The following SLC12A7 variants were observed in gnomAD, a reference collection of about 807,000 sequenced individuals.
SLC12A7 encodes the protein K-Cl cotransporter 4.
In SLC12A7, 100 loss-of-function variants were observed where a neutral mutation model predicts 120.6. The observed-to-expected ratio is 0.83, with a 90% CI of 0.71 to 0.98. The LOEUF (loss-of-function observed/expected upper bound fraction) is 0.98. SLC12A7 is among the 50% of genes least tolerant of loss of function. SLC12A7 has a pLI of 0.00. For missense variants in SLC12A7, 1,373 were observed against 1,548.1 expected, an observed-to-expected ratio of 0.89 and a Z score of 1.90; for synonymous variants, 760 against 678.0, an observed-to-expected ratio of 1.12 and a Z score of -1.88.
chr5:1,073,431 A>G (rs1390812304), intron 17 of SLC12A7, among the ~76,000 whole-genome samples: 3 of 152,082 alleles, frequency 2.0e-5, no homozygotes, highest in Non-Finnish European at 4.4e-5. Context: ...TGGCCCTCAC[A>G]CCTCCCAAGC....
chr5:1,114,840 C>G (rs1348134308), upstream of SLC12A7, among the ~76,000 whole-genome samples: 1 of 152,184 alleles, frequency 6.6e-6, no homozygotes, highest in Admixed American at 6.5e-5. Context: ...TCTGAATCGA[C>G]AGATTCATGG....
the SLC12A7 span, among the ~76,000 whole-genome samples, chr5:1,123,596 G>C: frequency 6.6e-6 from 1 of 152,240 alleles, no homozygotes; most frequent in Non-Finnish European, 1.5e-5. Context: ...CAATGAGGCC[G>C]GCCAGAGACC....
At chr5:1,134,482 T>A in the SLC12A7 span, among the ~76,000 whole-genome samples, 8 of 149,980 alleles carry the variant, frequency 5.3e-5, no homozygotes, top group African/African-American at 1.5e-4. Flanking sequence ...AAAAAAAAAA[T>A]TTGAACACCC....
chr5:1,137,033 TCACA>T, the SLC12A7 span, among the ~76,000 whole-genome samples: 94 of 149,192 alleles, frequency 6.3e-4, no homozygotes, highest in African/African-American at 2.3e-3. Context: ...ACACACGTGC[TCACA>T]CACTCCAACA....
chr5:1,099,892 C>A (rs754280948), intron 1 of SLC12A7, among the ~76,000 whole-genome samples: 7 of 152,162 alleles, frequency 4.6e-5, no homozygotes. Flanking sequence ...GGCAGGAGTG[C>A]GCAGGGGAAT....
the SLC12A7 span, among the ~76,000 whole-genome samples, chr5:1,137,894 G>A: frequency 1.3e-5 from 2 of 152,340 alleles, no homozygotes; most frequent in Admixed American, 6.5e-5. Flanking sequence ...CGGCGCCAGC[G>A]CTGTGGAAGA....
chr5:1,097,836 A>C (rs1741422230), intron 1 of SLC12A7, among the ~76,000 whole-genome samples: 1 of 152,104 alleles, frequency 6.6e-6, no homozygotes, highest in Non-Finnish European at 1.5e-5. Context: ...TTTAAAGAGA[A>C]CGCATCTCCC....
chr5:1,101,788 C>T (rs2057858125), intron 1 of SLC12A7, among the ~76,000 whole-genome samples: 1 of 150,200 alleles, frequency 6.7e-6, no homozygotes, highest in South Asian at 2.2e-4. Context: ...GACCCCCCTC[C>T]ACCCCCCGAC....
At chr5:1,134,273 C>T in the SLC12A7 span, among the ~76,000 whole-genome samples, 1 of 152,076 alleles carries the variant, frequency 6.6e-6, no homozygotes, top group Non-Finnish European at 1.5e-5. Context: ...AGTTCGAGAC[C>T]AGCCTGGCCA....
chr5:1,151,680 G>A, the SLC12A7 span, among the ~76,000 whole-genome samples: 1 of 150,582 alleles, frequency 6.6e-6, no homozygotes, highest in African/African-American at 2.4e-5. The surrounding 1 kb of genome is among the most constrained non-coding windows in gnomAD (Gnocchi z 6.2). Context: ...CCATCCTCTA[G>A]AGCAGGCTCA....
intron 10 of SLC12A7, among the ~76,000 whole-genome samples, 173 bp downstream of exon 10, chr5:1,079,225 G>C (rs926097593): frequency 1.3e-5 from 2 of 152,214 alleles, no homozygotes; most frequent in Non-Finnish European, 2.9e-5. Flanking sequence ...AGAAGCCAGG[G>C]TCCTGACAGC....
At chr5:1,077,065 C>CCCCG (rs1554016167) in intron 12 of SLC12A7, among the ~76,000 whole-genome samples, 1 of 151,656 alleles carries the variant, frequency 6.6e-6, no homozygotes, top group Non-Finnish European at 1.5e-5. Context: ...CCTGCCCCCC[C>CCCCG]GCCTCAGTTT....
At chr5:1,075,329 C>T (rs1309589098) in intron 15 of SLC12A7, 42 bp downstream of exon 15, 3 of 1,590,260 alleles carry the variant, frequency 1.9e-6, no homozygotes, top group Admixed American at 3.4e-5. Context: ...GGGGCCCGCC[C>T]TCCCGTGCGC....
chr5:1,079,372 C>A (rs201356783), intron 10 of SLC12A7, 26 bp downstream of exon 10: 1 of 1,585,804 alleles, frequency 6.3e-7, no homozygotes, highest in Admixed American at 1.7e-5. Context: ...AGGCTGGAAC[C>A]CTCGCCTGCA....
chr5:1,096,540 C>G (rs1017997872), intron 1 of SLC12A7, among the ~76,000 whole-genome samples: 1 of 151,704 alleles, frequency 6.6e-6, no homozygotes, highest in Non-Finnish European at 1.5e-5. Context: ...GATTCCTGCT[C>G]AGGCCCTTTT....
At chr5:1,075,603 G>A (rs1738244452) in intron 14 of SLC12A7, 113 bp from the exon 15 acceptor site, 12 of 1,424,896 alleles carry the variant, frequency 8.4e-6, no homozygotes, top group Non-Finnish European at 6.6e-6. Flanking sequence ...TTAACACTAG[G>A]AAAACAGTCA....
At position 1,052,396 on chromosome 5, in the gene SLC12A7, C is replaced by T. The variant is rs886804665; in HGVS notation, c.3216G>A (p.Arg1072=). The T allele has an allele frequency of 2.5e-6, 4 of 1,612,820 alleles. No homozygotes were observed. The African/African-American group carries it at 4.0e-5, about 16-fold the overall frequency. Residue 1072 remains arginine, a synonymous_variant, in exon 24 of 24, where the codon AGG becomes AGA. Coordinates refer to ENST00000264930, the MANE Select transcript of SLC12A7 (RefSeq NM_006598.3). ...TEGLNRVLLV[R]GGGREVITIY... is the part of the protein sequence containing the mutation. Reference sequence around the variant, plus strand: ...TGGTGATCACCTCCCGGCCGCCACCCCTGACCAGGAGGACTCTGTTCAGCC... The same window carrying T: ...TGGTGATCACCTCCCGGCCGCCACCTCTGACCAGGAGGACTCTGTTCAGCC...
At chr5:1,055,723 C>T (rs1249379932) in intron 22 of SLC12A7, among the ~76,000 whole-genome samples, 1 of 152,220 alleles carries the variant, frequency 6.6e-6, no homozygotes, top group Non-Finnish European at 1.5e-5. Context: ...TGTGCCTGTG[C>T]ATGTGTGTGT....
In SLC12A7 at chr5:1,079,433, C is replaced by A. The variant is rs1254187310; in HGVS notation, c.1361G>T (p.Gly454Val). The A allele has an allele frequency of 6.2e-7, 1 of 1,612,780 alleles. No individual in the cohort carries two copies. Among genetic ancestry groups the A allele is most frequent in the Admixed American group, 1.7e-5 (1 of 60,016 alleles). ...LKDAQKSIPTGTILAIVTTSF... is the reference protein window; with the variant it reads ...LKDAQKSIPTVTILAIVTTSF... ...CGTCGTCACTATGGCCAGGATGGTCCCCGTGGGGATGGACTTCTGTGCATC... is the reference window on the plus strand; with the variant it reads ...CGTCGTCACTATGGCCAGGATGGTCACCGTGGGGATGGACTTCTGTGCATC... Residue 454 changes from glycine (G) to valine (V), a missense_variant, in exon 10 of 24, where the codon GGG (glycine) becomes GTG (valine). Transcript: ENST00000264930.
Sources: gnomAD v4.1 joint callset for allele counts (sites outside exome capture counted in the v4.1 genomes callset) on GRCh38, gnomAD v4.1.1 for gene constraint, Gnocchi (gnomAD v3.1) non-coding constraint, MANE v1.5 for transcripts, NCBI Gene and HGNC (gene_info 2026-07-23, HGNC 2026-07-21) for gene names.